Variants in CSMD3 observed in about 807,000 individuals in gnomAD.
CSMD3 encodes CUB and Sushi multiple domains 3.
Under a neutral mutation model 435.2 loss-of-function variants are expected in CSMD3, and 177 were observed. The observed-to-expected ratio is 0.41, with a 90% CI of 0.36 to 0.46. The LOEUF is 0.46. CSMD3 is among the 20% of genes least tolerant of loss of function. The pLI is 0.34. For missense variants in CSMD3, 4,265 were observed against 4,504.6 expected, an observed-to-expected ratio of 0.95 and a Z score of 1.52; for synonymous variants, 1,656 against 1,520.5, an observed-to-expected ratio of 1.09 and a Z score of -2.07.
At chr8:112,483,580 A>G (rs1819836994) in intron 31 of CSMD3, among the ~76,000 whole-genome samples, 1 of 152,204 alleles carries the variant, frequency 6.6e-6, no homozygotes, top group African/African-American at 2.4e-5. Context: ...TACAAACTTG[A>G]ACTGGAACAG....
intron 10 of CSMD3, among the ~76,000 whole-genome samples, chr8:112,885,953 C>A (rs940218563): frequency 1.3e-5 from 2 of 151,768 alleles, no homozygotes; most frequent in African/African-American, 4.8e-5. Flanking sequence ...GAGGTCACTA[C>A]TATATGACTA....
At chr8:112,975,545 A>C (rs1174264579) in intron 7 of CSMD3, among the ~76,000 whole-genome samples, 4 of 152,062 alleles carry the variant, frequency 2.6e-5, no homozygotes, top group Non-Finnish European at 4.4e-5. Flanking sequence ...ATAAATAATA[A>C]GTATTTGGTA....
intron 27 of CSMD3, among the ~76,000 whole-genome samples, chr8:112,541,831 G>GA (rs544363963): frequency 1.3e-5 from 2 of 151,146 alleles, no homozygotes; most frequent in Non-Finnish European, 3.0e-5. Context: ...TACATCACAA[G>GA]AAAAAAAACT....
chr8:113,129,442 G>A (rs567276870), intron 4 of CSMD3, among the ~76,000 whole-genome samples: 24 of 152,130 alleles, frequency 1.6e-4, no homozygotes, highest in Admixed American at 1.0e-3. Context: ...GCTTTCCTAC[G>A]GAACAGTATT....
chr8:112,410,657 T>A, intron 32 of CSMD3, among the ~76,000 whole-genome samples: 1 of 118,704 alleles, frequency 8.4e-6, no homozygotes, highest in African/African-American at 3.0e-5. Context: ...TATGTGTATA[T>A]ATATGTATAT....
At chr8:113,276,538 A>G (rs2093572028) in intron 3 of CSMD3, among the ~76,000 whole-genome samples, 1 of 152,036 alleles carries the variant, frequency 6.6e-6, no homozygotes, top group Non-Finnish European at 1.5e-5. Flanking sequence ...TACAAACTTG[A>G]AGAACTGGAT....
intron 10 of CSMD3, among the ~76,000 whole-genome samples, chr8:112,867,679 C>G (rs1222638650): frequency 6.6e-6 from 1 of 151,952 alleles, no homozygotes; most frequent in South Asian, 2.1e-4. Flanking sequence ...CTAAACATAT[C>G]TAAACAAAGA....
intron 13 of CSMD3, among the ~76,000 whole-genome samples, chr8:112,691,291 T>C (rs2076131948): frequency 6.6e-6 from 1 of 152,146 alleles, no homozygotes; most frequent in Non-Finnish European, 1.5e-5. Context: ...TTTTTATCTA[T>C]CAGGGACATT....
At chr8:112,948,049 C>T (rs112258914) in intron 8 of CSMD3, among the ~76,000 whole-genome samples, 172 bp from the exon 9 acceptor site, 1,727 of 151,938 alleles carry the variant, frequency 0.011, 38 homozygotes, top group African/African-American at 0.038. Flanking sequence ...AAAGCAAAAG[C>T]ATTTTATGAA....
chr8:112,623,948 C>A (rs1834279897), intron 22 of CSMD3, among the ~76,000 whole-genome samples: 1 of 151,608 alleles, frequency 6.6e-6, no homozygotes, highest in South Asian at 2.1e-4. Context: ...TTAGAGTATC[C>A]CAAATCTAGA....
At chr8:113,419,122 T>G (rs72673230) in intron 1 of CSMD3, among the ~76,000 whole-genome samples, 146 of 140,988 alleles carry the variant, frequency 1.0e-3, no homozygotes, top group African/African-American at 3.6e-3. Flanking sequence ...TTTTTTTTGG[T>G]TTGTTTTTTT....
At chr8:112,774,640 C>T (rs984335316) in intron 13 of CSMD3, among the ~76,000 whole-genome samples, 12 of 152,050 alleles carry the variant, frequency 7.9e-5, no homozygotes, top group African/African-American at 2.6e-4. Context: ...CTTTGATTAT[C>T]CCCTATACTT....
chr8:112,227,913 G>A (rs1259828841), intron 70 of CSMD3, among the ~76,000 whole-genome samples: 2 of 152,048 alleles, frequency 1.3e-5, no homozygotes, highest in East Asian at 3.9e-4. Context: ...ATGATGGCGG[G>A]TACCTGTAGT....
chr8:113,410,427 T>C (rs2094552973), intron 1 of CSMD3, among the ~76,000 whole-genome samples: 1 of 152,134 alleles, frequency 6.6e-6, no homozygotes, highest in Non-Finnish European at 1.5e-5. Context: ...AAGTCCTATT[T>C]TTCCTTTAAC....
chr8:113,261,397 A>G (rs1023445541), intron 3 of CSMD3, among the ~76,000 whole-genome samples: 1 of 152,102 alleles, frequency 6.6e-6, no homozygotes, highest in African/African-American at 2.4e-5. Flanking sequence ...GTATTTTTCA[A>G]TTAACTTCTG....
intron 11 of CSMD3, among the ~76,000 whole-genome samples, chr8:112,855,390 T>C (rs187766321): frequency 4.6e-5 from 7 of 152,250 alleles, no homozygotes; most frequent in African/African-American, 1.7e-4. Context: ...CTCAAAATCT[T>C]GCATCATTAG....
At chr8:112,678,002 AT>A (rs916967034) in intron 16 of CSMD3, among the ~76,000 whole-genome samples, 2 of 152,102 alleles carry the variant, frequency 1.3e-5, no homozygotes, top group African/African-American at 2.4e-5. Context: ...CAATAATATA[AT>A]TTTTTGTATT....
intron 45 of CSMD3, among the ~76,000 whole-genome samples, chr8:112,322,489 T>C (rs1459099823): frequency 6.6e-6 from 1 of 152,106 alleles, no homozygotes; most frequent in Non-Finnish European, 1.5e-5. Flanking sequence ...TGAGGTGTAA[T>C]GTCCTTAACT....
intron 12 of CSMD3, among the ~76,000 whole-genome samples, chr8:112,817,047 T>G (rs2079394104): frequency 6.6e-6 from 1 of 152,088 alleles, no homozygotes; most frequent in South Asian, 2.1e-4. Context: ...CTTTAAGATG[T>G]TTGCTCAATT....
Sources: allele counts gnomAD v4.1 joint callset (sites outside exome capture counted in the v4.1 genomes callset), GRCh38; gene constraint gnomAD v4.1.1; transcripts MANE v1.5; gene names NCBI Gene and HGNC (gene_info 2026-07-23, HGNC 2026-07-21).